The following IL13RA2 variants were observed in gnomAD, a reference collection of about 807,000 sequenced individuals.
IL13RA2 encodes the protein interleukin-13 receptor subunit alpha-2.
Under a neutral mutation model 34.1 loss-of-function variants are expected in IL13RA2, and 25 were observed. The ratio of observed to expected loss-of-function variants is 0.73; its 90% CI spans 0.53 to 1.03. The LOEUF (loss-of-function observed/expected upper bound fraction) is 1.03. Ranked by LOEUF, IL13RA2 falls within the 50% of genes least tolerant of loss-of-function variation. IL13RA2 has a pLI of 0.00. For synonymous variants in IL13RA2, 106 were observed against 100.4 expected (o/e 1.06, Z -0.33); for missense variants, 297 against 280.9 (o/e 1.06, Z -0.41).
In IL13RA2 at chrX:115,005,117, T is replaced by C. The variant is rs2071679797; in HGVS notation, c.1116+80A>G. On this transcript the variant is annotated intron_variant, in intron 9 of 9. Transcript: ENST00000243213. ...AGCGAACAAGCAAAATTATAAAATGTATCTCCATCAGTTCTAAGTGCAGAA... is the reference window on the plus strand; with the variant it reads ...AGCGAACAAGCAAAATTATAAAATGCATCTCCATCAGTTCTAAGTGCAGAA... The C allele has an allele frequency of 1.3e-4, 70 of 553,393 alleles. No individual in the cohort carries two copies. In the South Asian group the frequency reaches 1.8e-3, roughly 14 times the overall value. 45.6% of individuals were successfully genotyped at this position (553,393 alleles called of 1,213,427 possible).
intron 5 of IL13RA2, among the ~76,000 whole-genome samples, chrX:115,012,128 G>C (rs5946266): frequency 0.093 from 10,430 of 111,634 alleles, 1,198 homozygotes; most frequent in African/African-American, 0.32. Context: ...TATAGCTTAT[G>C]ATTTATCTAT....
At position 115,015,837 on chromosome X, in the gene IL13RA2, A is replaced by G. The variant is rs2071725098; in HGVS notation, c.95-16T>C. 1.8e-6 allele frequency: 2 copies of G among 1,089,196 alleles called. No homozygotes were observed. Among genetic ancestry groups the G allele is most frequent in the Non-Finnish European group, 1.3e-6 (1 of 794,015 alleles). The allele number at this position is 1,089,196 out of a possible 1,213,427, so 89.8% of individuals were successfully genotyped here. On this transcript the variant is annotated splice_polypyrimidine_tract_variant and intron_variant, in intron 2 of 9. Coordinates refer to ENST00000243213, the MANE Select transcript of IL13RA2 (RefSeq NM_000640.3). ...GGAGGGTTAACTGAAATAAATCAAT[A>G]AAACACTTTTATTTTTTCTGTATTT...
chrX:115,012,560 C>CT (rs1162256622), intron 5 of IL13RA2, among the ~76,000 whole-genome samples: 2 of 111,578 alleles, frequency 1.8e-5, no homozygotes, highest in African/African-American at 3.3e-5. Flanking sequence ...AGGTAAGGAG[C>CT]TTGAGACCAG....
intron 5 of IL13RA2, among the ~76,000 whole-genome samples, chrX:115,012,581 A>G (rs1183170631): frequency 9.0e-6 from 1 of 111,631 alleles, no homozygotes; most frequent in African/African-American, 3.3e-5. Flanking sequence ...CATGGGCAAC[A>G]TTGTGAAACC....
intron 7 of IL13RA2, 95 bp downstream of exon 7, chrX:115,009,426 C>T: frequency 1.5e-6 from 1 of 653,563 alleles, no homozygotes; most frequent in Non-Finnish European, 2.4e-6. Context: ...ATGTTCTGTC[C>T]CTCACGTGGA....
Position 115,017,260 on chromosome X carries a change from C to G in IL13RA2, c.10G>C (p.Val4Leu), listed in dbSNP as rs2071731820. The G allele has an allele frequency of 1.1e-6, 1 of 920,468 alleles. No homozygotes were observed. The highest frequency in any genetic ancestry group is 1.9e-5 in the African/African-American group (1 of 51,663). The allele number at this position is 920,468 out of a possible 1,213,427, so 75.9% of individuals were successfully genotyped here. A position where few individuals can be genotyped will look rare whatever the true frequency, so the allele number is the denominator to read the frequency against. Residue 4 changes from valine to leucine, a missense_variant, in exon 2 of 10, where the codon GTT becomes CTT. Physicochemically the swap from Val to Leu is conservative, Grantham distance 32. Coordinates refer to ENST00000243213, the MANE Select transcript of IL13RA2 (RefSeq NM_000640.3). MAF[V>L]CLAIGCLYTF... ...TATAAGCATCCGATAGCCAAGCAAA[C>G]GAAAGCCATTTCTCCGAGATTTAAA... is the stretch of plus-strand genomic sequence containing the variant.
chrX:115,005,420 C>T (rs1282426403), intron 8 of IL13RA2, 105 bp from the exon 9 acceptor site: 2 of 531,880 alleles, frequency 3.8e-6, no homozygotes, highest in Non-Finnish European at 6.6e-6. Context: ...AGCTTGGAAA[C>T]CCCTGTCATA....
At position 115,014,513 on chromosome X, in the gene IL13RA2, G is replaced by T. The variant is rs1219445525; in HGVS notation, c.308C>A (p.Ala103Glu). The T allele has an allele frequency of 3.4e-6, 4 of 1,187,328 alleles. No individual in the cohort carries two copies. The highest frequency in any genetic ancestry group is 4.6e-6 in the Non-Finnish European group (4 of 875,897). Residue 103 changes from alanine to glutamate, a missense_variant, in exon 4 of 10, where the codon GCG becomes GAG. Ala to Glu is a moderately radical substitution (Grantham distance 107). Coordinates refer to ENST00000243213, the MANE Select transcript of IL13RA2 (RefSeq NM_000640.3). The part of the protein sequence containing the change: ...DGFDLNKGIE[A>E]KIHTLLPWQC... ...CCATGGTAAAAGCGTGTGTATCTTC[G>T]CTTCAATGCCCTTGTTAAGATCAAA...
At chrX:115,015,890 G>A in intron 2 of IL13RA2, 69 bp from the exon 3 acceptor site, 1 of 706,009 alleles carries the variant, frequency 1.4e-6, no homozygotes, top group Non-Finnish European at 2.1e-6. Context: ...AATCTAGATG[G>A]CTTCCAAATG....
In IL13RA2 at chrX:115,012,013, T is replaced by G. The variant is rs2071707515; in HGVS notation, c.522-1185A>C. On this transcript the variant is annotated intron_variant, in intron 5 of 9. Coordinates refer to ENST00000243213, the MANE Select transcript of IL13RA2 (RefSeq NM_000640.3). ...TGAAATTTACCTATCCAATTCCAGA[T>G]GAGGAAACAAAAATTCTAAAAGAAA... Among the ~76,000 whole-genome samples the G allele has an allele frequency of 3.6e-5, 4 of 112,202 alleles. No homozygotes were observed. In the Admixed American group the frequency reaches 3.8e-4, roughly 11 times the overall value.
At chrX:115,005,698 A>G (rs946355453) in intron 8 of IL13RA2, among the ~76,000 whole-genome samples, 1 of 112,032 alleles carries the variant, frequency 8.9e-6, no homozygotes, top group African/African-American at 3.2e-5. Flanking sequence ...AGTAAGTCAA[A>G]CGTGTACTTA....
At chrX:115,007,904 AT>A (rs2147585054) in intron 8 of IL13RA2, 27 bp downstream of exon 8, 1 of 942,276 alleles carries the variant, frequency 1.1e-6, no homozygotes. Context: ...AGAGCTCATT[AT>A]TTAGTTACTG....
chrX:115,006,426 T>C (rs149507547), intron 8 of IL13RA2, among the ~76,000 whole-genome samples: 1,269 of 112,158 alleles, frequency 0.011, 18 homozygotes, highest in African/African-American at 0.038. Context: ...CTCATGCCTG[T>C]AATCTCAACA....
chrX:115,014,360 A>G, intron 4 of IL13RA2, 61 bp downstream of exon 4: 1 of 863,672 alleles, frequency 1.2e-6, no homozygotes, highest in Non-Finnish European at 1.7e-6. Context: ...AGATTAAGGG[A>G]CTTATTCCCA....
chrX:115,010,969 T>C, intron 5 of IL13RA2, 141 bp from the exon 6 acceptor site: 1 of 325,421 alleles, frequency 3.1e-6, no homozygotes. Context: ...GCACCTACTA[T>C]ATGTCAGGCA....
chrX:115,014,624 A>G (rs782086695), intron 3 of IL13RA2, 50 bp from the exon 4 acceptor site: 10 of 918,356 alleles, frequency 1.1e-5, no homozygotes, highest in Non-Finnish European at 1.5e-5. Flanking sequence ...CCTCCATGGT[A>G]TAGTGAGCTA....
chrX:115,010,224 AC>A (rs1392753440), intron 6 of IL13RA2, among the ~76,000 whole-genome samples: 2 of 111,267 alleles, frequency 1.8e-5, no homozygotes, highest in Admixed American at 9.6e-5. Context: ...AGACTCTAGA[AC>A]CCATCACTCT....
chrX:115,013,966 T>A, intron 4 of IL13RA2, 77 bp from the exon 5 acceptor site: 1 of 664,472 alleles, frequency 1.5e-6, no homozygotes, highest in East Asian at 3.3e-5. Flanking sequence ...CAATTTTACT[T>A]CATTTCCTAT....
intron 4 of IL13RA2, 27 bp from the exon 5 acceptor site, chrX:115,013,916 T>C (rs782695844): frequency 7.1e-6 from 7 of 986,623 alleles, no homozygotes; most frequent in South Asian, 5.9e-5. Flanking sequence ...CTGTGAATGT[T>C]TGAAAGGCTT....
Sources: gnomAD v4.1 joint callset for allele counts (sites outside exome capture counted in the v4.1 genomes callset) on GRCh38, gnomAD v4.1.1 for gene constraint, MANE v1.5 for transcripts, NCBI Gene and HGNC (gene_info 2026-07-23, HGNC 2026-07-21) for gene names.